ARHGEF18: variants seen among roughly 807,000 people sequenced by gnomAD.
ARHGEF18 encodes the protein rho guanine nucleotide exchange factor 18.
In ARHGEF18, 93 loss-of-function variants were observed where a neutral mutation model predicts 155.7. The observed-to-expected ratio is 0.60, with a 90% CI of 0.50 to 0.71. ARHGEF18 has a LOEUF of 0.71. Among genes scored for constraint, ARHGEF18 ranks in the 30% least tolerant of loss-of-function variants. ARHGEF18 has a pLI of 0.00. For synonymous variants in ARHGEF18, 742 were observed against 753.1 expected (o/e 0.99, Z 0.24); for missense variants, 1,593 against 1,816.1 (o/e 0.88, Z 2.23).
intron 5 of ARHGEF18, 58 bp from the exon 6 acceptor site, chr19:7,378,336 T>G: frequency 8.2e-7 from 1 of 1,215,422 alleles, no homozygotes. Context: ...TCTGCTGGGC[T>G]GGTCCTGTCC....
intron 18 of ARHGEF18, among the ~76,000 whole-genome samples, chr19:7,457,498 G>A (rs1429513958): frequency 6.6e-6 from 1 of 151,520 alleles, no homozygotes; most frequent in African/African-American, 2.4e-5. Context: ...GAGTAGCTGG[G>A]ATTACAGGCA....
At chr19:7,475,228 TCAAAAAAGAGGGCC>T (rs1370664445), downstream of ARHGEF18, among the ~76,000 whole-genome samples, 1 of 152,072 alleles carries the variant, frequency 6.6e-6, no homozygotes, top group African/African-American at 2.4e-5. Flanking sequence ...TGACTCTGTC[TCAAAAAAGAGGGCC>T]CGTAGTCTTT....
At chr19:7,419,267 AGGTGTGCCCACACTCGGCCCCCGCACCTG>A (rs1467702228) in intron 10 of ARHGEF18, among the ~76,000 whole-genome samples, 14 of 114,248 alleles carry the variant, frequency 1.2e-4, no homozygotes, top group Admixed American at 6.8e-4. Flanking sequence ...TCCGCACCCC[AGGTGTGCCCACACTCGGCCCCCGCACCTG>A]GGTGTGCCCA....
chr19:7,358,215 T>TTCCATCCATCCATCCATCCATCCA (rs151337455), intron 1 of ARHGEF18, among the ~76,000 whole-genome samples: 3 of 142,730 alleles, frequency 2.1e-5, no homozygotes, highest in Non-Finnish European at 4.6e-5. Context: ...CCATCCATCC[T>TTCCATCCATCCATCCATCCATCCA]TCCATCCATC....
At chr19:7,352,043 A>G (rs1969170767) in intron 1 of ARHGEF18, among the ~76,000 whole-genome samples, 1 of 151,146 alleles carries the variant, frequency 6.6e-6, no homozygotes, top group Non-Finnish European at 1.5e-5. Context: ...GGCTGTTGCT[A>G]TTGTCTGTGT....
intron 1 of ARHGEF18, among the ~76,000 whole-genome samples, chr19:7,354,825 G>A (rs532526672): frequency 4.1e-4 from 63 of 152,114 alleles, no homozygotes; most frequent in Middle Eastern, 3.4e-3. Context: ...CCTTGAGACC[G>A]GGAGTTGGAG....
At chr19:7,364,245 G>A (rs1234337399) in intron 2 of ARHGEF18, among the ~76,000 whole-genome samples, 2 of 151,304 alleles carry the variant, frequency 1.3e-5, no homozygotes, top group African/African-American at 4.9e-5. Flanking sequence ...GGATGGATGG[G>A]TTGATGGAAG....
Position 7,453,670 on chromosome 19 carries a change from C to G in ARHGEF18, c.2059C>G (p.Leu687Val). ...KEDMLQRQLH[L>V]EGMLCWKTTS... ...AGACATGCTTCAGCGGCAGCTCCACCTGGAGGGCATGCTATGCTGGAAGAC... is the reference window on the plus strand; with the variant it reads ...AGACATGCTTCAGCGGCAGCTCCACGTGGAGGGCATGCTATGCTGGAAGAC... The change falls in exon 17 of 29, where the codon CTG becomes GTG. Residue 687 changes from leucine to valine, a missense_variant. Leu to Val is a conservative substitution (Grantham distance 32). Transcript: ENST00000668164. 1 of 1,602,708 alleles carries G rather than the reference C, an allele frequency of 6.2e-7. No homozygotes were observed. Among genetic ancestry groups the G allele is most frequent in the South Asian group, 1.1e-5 (1 of 90,158 alleles).
At chr19:7,399,869 C>T (rs1291868330) in intron 10 of ARHGEF18, among the ~76,000 whole-genome samples, 6 of 151,274 alleles carry the variant, frequency 4.0e-5, no homozygotes, top group Admixed American at 3.3e-4. Flanking sequence ...ACCTCCTAGG[C>T]TCAAGCAATC....
At chr19:7,410,544 C>T (rs1243176505) in intron 10 of ARHGEF18, among the ~76,000 whole-genome samples, 1 of 151,904 alleles carries the variant, frequency 6.6e-6, no homozygotes. Flanking sequence ...CATGGTGGTT[C>T]GCGCCTGTAA....
chr19:7,380,411 G>A (rs1342475641), intron 7 of ARHGEF18, among the ~76,000 whole-genome samples: 37 of 151,448 alleles, frequency 2.4e-4, no homozygotes, highest in Middle Eastern at 3.4e-3. Context: ...CCCAGGAGGC[G>A]GAGCTTGCAG....
chr19:7,367,567 T>C (rs1969940953), intron 2 of ARHGEF18, among the ~76,000 whole-genome samples: 1 of 151,156 alleles, frequency 6.6e-6, no homozygotes, highest in African/African-American at 2.4e-5. Context: ...GCCAACATGG[T>C]AAAACCCGTC....
chr19:7,462,461 G>T lies in ARHGEF18; in HGVS notation c.2635+127G>T. The T allele has an allele frequency of 8.7e-7, 1 of 1,150,798 alleles. No homozygotes were observed. 71.3% of individuals were successfully genotyped at this position (1,150,798 alleles called of 1,614,324 possible). A position where few individuals can be genotyped will look rare whatever the true frequency, so the allele number is the denominator to read the frequency against. On this transcript the variant is annotated intron_variant, in intron 21 of 28. Transcript: ENST00000668164. This position sits in a 1 kb window ranked among gnomAD's most constrained non-coding sequence, Gnocchi z 4.4. ...CTGTCCAGGACAGGCTTCTATGTGGGGGGGGCCCAGGAGCAGCACTGACCG... is the reference window on the plus strand; with the variant it reads ...CTGTCCAGGACAGGCTTCTATGTGGTGGGGGCCCAGGAGCAGCACTGACCG...
rs966626692 is a variant in ARHGEF18, at chr19:7,395,444, C to T, written c.967+12241C>T. 4.6e-5 allele frequency among the ~76,000 whole-genome samples: 7 copies of T among 152,076 alleles called. No individual in the cohort carries two copies. The highest frequency in any genetic ancestry group is 1.4e-4 in the African/African-American group (6 of 41,434). On this transcript the variant is annotated intron_variant, in intron 10 of 28. Transcript: ENST00000668164. This position sits in a 1 kb window ranked among gnomAD's most constrained non-coding sequence, Gnocchi z 5.0. Reference sequence around the variant, plus strand: ...TTCAATGCATGGAGGCTCTAGGCGGCGATTGCAGGGTGCAGAGGTGCAGAC... The same window carrying T: ...TTCAATGCATGGAGGCTCTAGGCGGTGATTGCAGGGTGCAGAGGTGCAGAC...
chr19:7,391,470 C>T (rs1222840888), intron 10 of ARHGEF18, among the ~76,000 whole-genome samples: 1 of 152,108 alleles, frequency 6.6e-6, no homozygotes, highest in Non-Finnish European at 1.5e-5. Context: ...CCTATCCCTC[C>T]ACGCTTCTCT....
intron 2 of ARHGEF18, among the ~76,000 whole-genome samples, chr19:7,369,279 T>C (rs150855035): frequency 0.011 from 1,596 of 151,140 alleles, 38 homozygotes; most frequent in African/African-American, 0.036. Flanking sequence ...CTGGGCAACA[T>C]GGAGAAACCC....
intron 10 of ARHGEF18, among the ~76,000 whole-genome samples, chr19:7,433,472 A>G (rs1339439967): frequency 7.6e-6 from 1 of 132,290 alleles, no homozygotes; most frequent in Non-Finnish European, 1.5e-5. Context: ...ATGCCACTGC[A>G]TTCCAGCCTG....
intron 26 of ARHGEF18, among the ~76,000 whole-genome samples, chr19:7,467,955 T>G (rs1976767302): frequency 6.6e-6 from 1 of 152,040 alleles, no homozygotes; most frequent in Non-Finnish European, 1.5e-5. Context: ...ATCCCAGCAC[T>G]TTGGGTGGTG....
rs192793250 is a variant in ARHGEF18, at chr19:7,387,474, T to G, written c.967+4271T>G. Among the ~76,000 whole-genome samples, 531 of 152,106 alleles carry G rather than the reference T, an allele frequency of 3.5e-3. 12 individuals are homozygous for G. The highest frequency in any genetic ancestry group is 5.2e-3 in the Non-Finnish European group (351 of 67,950). ...GCGCTGTTTTTTGTTTTTTGAGTTT[T>G]TTTGTTTGTTTGCATACGCTGAAAG... On this transcript the variant is annotated intron_variant, in intron 10 of 28. Coordinates refer to ENST00000668164, the MANE Select transcript of ARHGEF18 (RefSeq NM_001367823.1).
Sources: allele counts gnomAD v4.1 joint callset (sites outside exome capture counted in the v4.1 genomes callset), GRCh38; gene constraint gnomAD v4.1.1; non-coding constraint Gnocchi (gnomAD v3.1); transcripts MANE v1.5; gene names NCBI Gene and HGNC (gene_info 2026-07-23, HGNC 2026-07-21).